The following SPOCK1 variants were observed in gnomAD, a reference collection of about 807,000 sequenced individuals.
SPOCK1 encodes SPARC (osteonectin), cwcv and kazal like domains proteoglycan 1, also known as testican-1.
In SPOCK1, 23 loss-of-function variants were observed where a neutral mutation model predicts 55.3. The ratio of observed to expected loss-of-function variants is 0.42; its 90% confidence interval spans 0.30 to 0.59. The LOEUF (loss-of-function observed/expected upper bound fraction) is 0.59. Ranked by LOEUF, SPOCK1 falls within the 20% of genes least tolerant of loss-of-function variation. The probability of loss-of-function intolerance (pLI) is 0.22; values close to 1 mark genes in which losing one functional copy is unlikely to be tolerated. For synonymous variants in SPOCK1, 226 were observed against 221.0 expected, an observed-to-expected ratio of 1.02 and a Z score of -0.20; for missense variants, 499 against 552.5, an observed-to-expected ratio of 0.90 and a Z score of 0.97.
At chr5:137,178,652 AC>A (rs1051231357) in intron 3 of SPOCK1, among the ~76,000 whole-genome samples, 11 of 152,214 alleles carry the variant, frequency 7.2e-5, no homozygotes, top group African/African-American at 2.7e-4. Context: ...TACCAGCCCA[AC>A]CAACTCCCCT....
At chr5:137,056,284 T>A (rs1270283402) in intron 6 of SPOCK1, among the ~76,000 whole-genome samples, 1 of 151,950 alleles carries the variant, frequency 6.6e-6, no homozygotes, top group African/African-American at 2.4e-5. Flanking sequence ...ACAGGGGGTC[T>A]ATGGGAAGTA....
Position 137,463,851 on chromosome 5 carries a change from G to C in SPOCK1, c.186+34522C>G, listed in dbSNP as rs112983588. ...TAGTCCCAGCTACTCCGGAGACTGA[G>C]GCAAGAGAATCACTTGAACTCGGGA... is the stretch of plus-strand genomic sequence containing the variant. On this transcript the variant is annotated intron_variant, in intron 2 of 10. Coordinates refer to ENST00000394945, the MANE Select transcript of SPOCK1 (RefSeq NM_004598.4). 6.9e-3 allele frequency among the ~76,000 whole-genome samples: 1,057 copies of C among 152,238 alleles called. 20 individuals are homozygous for C. The highest frequency in any genetic ancestry group is 0.027 in the Admixed American group (408 of 15,304).
intron 5 of SPOCK1, among the ~76,000 whole-genome samples, chr5:137,071,621 T>C (rs575468410): frequency 4.6e-5 from 7 of 152,334 alleles, no homozygotes; most frequent in Admixed American, 2.0e-4. Context: ...TATAGGCTCC[T>C]ATGGAGGTGA....
chr5:137,366,712 C>T (rs1246843778), intron 2 of SPOCK1, among the ~76,000 whole-genome samples: 1 of 152,146 alleles, frequency 6.6e-6, no homozygotes, highest in Non-Finnish European at 1.5e-5. Flanking sequence ...TGAGTCCTGC[C>T]AAGATATAAG....
Position 136,988,470 on chromosome 5 carries a change from C to G in SPOCK1, c.880G>C (p.Gly294Arg). The G allele has an allele frequency of 6.2e-7, 1 of 1,614,116 alleles. No individual in the cohort carries two copies. Among genetic ancestry groups the G allele is most frequent in the South Asian group, 1.1e-5 (1 of 91,072 alleles). The change falls in exon 8 of 11, where the codon GGC becomes CGC. Residue 294 changes from glycine (G) to arginine (R), a missense_variant. This residue lies in a region of SPOCK1 where 386 missense variants were observed against 400.6 expected (regional missense o/e 0.96). Transcript: ENST00000394945. ...CACCACTCATTGTTAGAAAGCTTGC[C>G]ATCCTTGAAGGAGTCACACGAGTTG... ...LFNSCDSFKD[G>R]KLSNNEWCYC...
intron 3 of SPOCK1, among the ~76,000 whole-genome samples, chr5:137,240,527 C>G (rs1229042410): frequency 2.0e-5 from 3 of 152,152 alleles, no homozygotes; most frequent in African/African-American, 7.2e-5. Context: ...CCCGACACCT[C>G]CCACCAGATG....
intron 3 of SPOCK1, among the ~76,000 whole-genome samples, chr5:137,219,299 A>G (rs1400799638): frequency 6.6e-6 from 1 of 152,188 alleles, no homozygotes; most frequent in African/African-American, 2.4e-5. Flanking sequence ...CCTTTCATTA[A>G]ATGTTAACTC....
At chr5:137,192,335 C>A (rs895688819) in intron 3 of SPOCK1, among the ~76,000 whole-genome samples, 1 of 151,740 alleles carries the variant, frequency 6.6e-6, no homozygotes, top group African/African-American at 2.4e-5. Flanking sequence ...ATGAGTTGTG[C>A]AGGAGAGCCT....
In SPOCK1 at chr5:137,498,464, C is replaced by A. The variant is rs1253119350; in HGVS notation, c.95G>T (p.Gly32Val). ...RHLDALAGGA[G>V]PNHGNFLDND... ...GTCTAGGAAATTGCCGTGGTTGGGG[C>A]CCGCGCCTCCGGCGAGCGCGTCCAG... is the stretch of plus-strand genomic sequence containing the variant. The change falls in exon 2 of 11, where the codon GGC becomes GTC. Residue 32 changes from glycine to valine, a missense_variant. Coordinates refer to ENST00000394945, the MANE Select transcript of SPOCK1 (RefSeq NM_004598.4). 6.2e-7 allele frequency: 1 copy of A among 1,608,190 alleles called. No individual in the cohort carries two copies. The highest frequency in any genetic ancestry group is 8.5e-7 in the Non-Finnish European group (1 of 1,178,420).
In SPOCK1 at chr5:137,498,410, T is replaced by C; in HGVS notation, c.149A>G (p.Gln50Arg). Residue 50 changes from glutamine to arginine, a missense_variant, in exon 2 of 11, where the codon CAG becomes CGG. Gln to Arg is a conservative substitution (Grantham distance 43). Coordinates refer to ENST00000394945, the MANE Select transcript of SPOCK1 (RefSeq NM_004598.4). ...GTTCCAGTACTTGTCCCGGTCGTAC[T>C]GGGAGACGGTGCTCAGCCACTGGTC... is the stretch of plus-strand genomic sequence containing the variant. ...DNDQWLSTVS[Q>R]YDRDKYWNRF... 6.2e-7 allele frequency: 1 copy of C among 1,607,362 alleles called. No homozygotes were observed. Among genetic ancestry groups the C allele is most frequent in the Non-Finnish European group, 8.5e-7 (1 of 1,176,964 alleles).
chr5:137,080,718 C>T (rs1752865879), intron 5 of SPOCK1, among the ~76,000 whole-genome samples: 1 of 152,152 alleles, frequency 6.6e-6, no homozygotes, highest in Non-Finnish European at 1.5e-5. Flanking sequence ...AGAAAGCAAG[C>T]CCCACAAAGC....
At chr5:137,131,786 CAG>C (rs1282337384) in intron 4 of SPOCK1, among the ~76,000 whole-genome samples, 1 of 150,446 alleles carries the variant, frequency 6.6e-6, no homozygotes, top group Admixed American at 6.6e-5. Context: ...TCCTGGCTAA[CAG>C]GGTGAAACCC....
intron 6 of SPOCK1, among the ~76,000 whole-genome samples, chr5:137,004,869 T>C (rs1349019092): frequency 1.3e-5 from 2 of 152,166 alleles, no homozygotes; most frequent in African/African-American, 4.8e-5. Flanking sequence ...TCTGAAGTGA[T>C]AGACTTCTTG....
At chr5:137,379,787 T>C (rs1403032172) in intron 2 of SPOCK1, among the ~76,000 whole-genome samples, 1 of 152,224 alleles carries the variant, frequency 6.6e-6, no homozygotes, top group African/African-American at 2.4e-5. Context: ...GGGCTTGATG[T>C]GACAATAGAA....
chr5:137,251,526 C>T lies in SPOCK1; in HGVS notation c.232+15484G>A, dbSNP rs543371685. On this transcript the variant is annotated intron_variant, in intron 3 of 10. Transcript: ENST00000394945. The stretch of plus-strand genomic sequence containing the variant: ...CACATCAGATTATTTCCAAGAGCTT[C>T]CTTATAGAACACAAGGCTGATGCTC... Among the ~76,000 whole-genome samples the T allele has an allele frequency of 1.5e-4, 23 of 152,282 alleles. No homozygotes were observed. The South Asian group carries it at 3.3e-3, about 22-fold the overall frequency.
At chr5:137,338,243 C>G (rs557929150) in intron 2 of SPOCK1, among the ~76,000 whole-genome samples, 1 of 148,056 alleles carries the variant, frequency 6.8e-6, no homozygotes, top group Admixed American at 6.8e-5. Flanking sequence ...TGTTCAATTC[C>G]CACCTATGAG....
chr5:137,414,075 C>G (rs4976351), intron 2 of SPOCK1, among the ~76,000 whole-genome samples: 152,194 of 152,360 alleles, frequency 1, 76,014 homozygotes, highest in Middle Eastern at 1. Flanking sequence ...CAAATGGAAA[C>G]AAAACACACA....
intron 6 of SPOCK1, among the ~76,000 whole-genome samples, chr5:137,024,102 T>C (rs1751623792): frequency 6.6e-6 from 1 of 152,034 alleles, no homozygotes; most frequent in Non-Finnish European, 1.5e-5. Flanking sequence ...AGCTTCTCTC[T>C]GAAATTCTAG....
intron 4 of SPOCK1, among the ~76,000 whole-genome samples, chr5:137,130,149 G>T (rs1419434310): frequency 1.3e-5 from 2 of 152,140 alleles, no homozygotes; most frequent in African/African-American, 4.8e-5. Context: ...CCTTTACAAA[G>T]GTGGTTTTAC....
Sources: gnomAD v4.1 joint callset for allele counts (sites outside exome capture counted in the v4.1 genomes callset) on GRCh38, gnomAD v4.1.1 for gene constraint, gnomAD v4.1.1 regional missense constraint, MANE v1.5 for transcripts, NCBI Gene and HGNC (gene_info 2026-07-23, HGNC 2026-07-21) for gene names.